Variants in DCAF4 observed in about 807,000 individuals in gnomAD.
DCAF4 encodes the protein DDB1- and CUL4-associated factor 4.
DCAF4 carries 37 observed loss-of-function variants against 60.9 expected under a neutral mutation model. The observed-to-expected ratio is 0.61, with a 90% confidence interval of 0.47 to 0.80. DCAF4 has a LOEUF of 0.80. Among genes scored for constraint, DCAF4 ranks in the 30% least tolerant of loss-of-function variants. The probability of loss-of-function intolerance (pLI) is 0.00; values close to 1 mark genes in which losing one functional copy is unlikely to be tolerated. For synonymous variants in DCAF4, 243 were observed against 254.8 expected, an observed-to-expected ratio of 0.95 and a Z score of 0.44; for missense variants, 577 against 650.0, an observed-to-expected ratio of 0.89 and a Z score of 1.22.
intron 1 of DCAF4, among the ~76,000 whole-genome samples, chr14:72,928,266 T>C (rs1872904730): frequency 7.1e-6 from 1 of 140,226 alleles, no homozygotes; most frequent in Non-Finnish European, 1.5e-5. Flanking sequence ...CGATCTCGGC[T>C]CACCGCAACC....
At chr14:72,950,574 A>G (rs1403984666) in intron 8 of DCAF4, among the ~76,000 whole-genome samples, 2 of 152,152 alleles carry the variant, frequency 1.3e-5, no homozygotes, top group Non-Finnish European at 2.9e-5. Flanking sequence ...AAGTTTGGCT[A>G]TGAGGGGAAA....
chr14:72,961,078 C>T (rs577752478), downstream of DCAF4, among the ~76,000 whole-genome samples: 7 of 151,960 alleles, frequency 4.6e-5, no homozygotes, highest in South Asian at 2.1e-4. Context: ...GTAGAGATGG[C>T]GTCTCCCTAT....
At chr14:72,938,467 G>A (rs950103871) in intron 2 of DCAF4, among the ~76,000 whole-genome samples, 1 of 152,160 alleles carries the variant, frequency 6.6e-6, no homozygotes, top group Non-Finnish European at 1.5e-5. Context: ...CCTAAGTCTC[G>A]GACAAGGATA....
intron 1 of DCAF4, among the ~76,000 whole-genome samples, chr14:72,933,253 C>T (rs1465216123): frequency 6.6e-6 from 1 of 152,202 alleles, no homozygotes; most frequent in Non-Finnish European, 1.5e-5. Flanking sequence ...GTGATGCATA[C>T]TGGGTTTTAT....
intron 1 of DCAF4, among the ~76,000 whole-genome samples, chr14:72,934,154 T>TTC (rs902364583): frequency 2.3e-5 from 3 of 129,474 alleles, no homozygotes; most frequent in Non-Finnish European, 4.9e-5. Context: ...ACGTGGCATT[T>TTC]TCTTTTTTTT....
At chr14:72,940,593 T>TG (rs1889908918) in intron 4 of DCAF4, 1 of 379,500 alleles carries the variant, frequency 2.6e-6, no homozygotes. Context: ...GATAAGTTGT[T>TG]TTTTTTTTTT....
downstream of DCAF4, among the ~76,000 whole-genome samples, chr14:72,960,987 G>C (rs1892797463): frequency 6.6e-6 from 1 of 151,384 alleles, no homozygotes; most frequent in South Asian, 2.1e-4. Context: ...CCTTGGGCTT[G>C]AGCAATCCTC....
intron 1 of DCAF4, among the ~76,000 whole-genome samples, chr14:72,935,393 T>G (rs992125573): frequency 1.3e-5 from 2 of 152,180 alleles, no homozygotes; most frequent in African/African-American, 4.8e-5. Context: ...TAACCGGGAT[T>G]ACAGGCACCA....
In DCAF4 at chr14:72,954,188, G is replaced by A. The variant is rs750217137; in HGVS notation, c.833G>A (p.Cys278Tyr). The A allele has an allele frequency of 1.1e-5, 17 of 1,614,038 alleles. No individual in the cohort carries two copies. ...GGAATAGACCGGCCTGGCATGCTCTGCAGTTTCCGGATCCCTGGTGCCTGG... is the reference window on the plus strand; with the variant it reads ...GGAATAGACCGGCCTGGCATGCTCTACAGTTTCCGGATCCCTGGTGCCTGG... ...HPGIDRPGML[C>Y]SFRIPGAWSC... Residue 278 changes from cysteine (C) to tyrosine (Y), a missense_variant, in exon 10 of 14, where the codon TGC becomes TAC. Coordinates refer to ENST00000358377, the MANE Select transcript of DCAF4 (RefSeq NM_015604.4).
At chr14:72,951,994 C>T in intron 9 of DCAF4, 117 bp downstream of exon 9, 1 of 1,096,132 alleles carries the variant, frequency 9.1e-7, no homozygotes, top group Non-Finnish European at 1.4e-6. Context: ...ATTCCCTAAG[C>T]CTGTCCCAGG....
intron 5 of DCAF4, 23 bp from the exon 6 acceptor site, chr14:72,942,971 G>T: frequency 6.2e-7 from 1 of 1,611,406 alleles, no homozygotes; most frequent in South Asian, 1.1e-5. Context: ...CAGCATCCAT[G>T]CCCCCACCCT....
intron 9 of DCAF4, among the ~76,000 whole-genome samples, chr14:72,952,985 G>T (rs1891627522): frequency 8.2e-6 from 1 of 121,326 alleles, no homozygotes; most frequent in Admixed American, 9.3e-5. Context: ...GAGCCACAAT[G>T]CCCGGCCTTT....
In DCAF4 at chr14:72,954,230, T is replaced by G. The variant is rs747354067; in HGVS notation, c.875T>G (p.Leu292Arg). ...GGTGCCTGGTCCTGTGCCTGGTCCC[T>G]GAATATCCAAGCAAATAACTGCTTC... ...IPGAWSCAWS[L>R]NIQANNCFST... Residue 292 changes from leucine (L) to arginine (R), a missense_variant, in exon 10 of 14, where the codon CTG (leucine) becomes CGG (arginine). Leu to Arg is a moderately radical substitution (Grantham distance 102). Transcript: ENST00000358377. 6 of 1,614,184 alleles carry G rather than the reference T, an allele frequency of 3.7e-6. No homozygotes were observed. The highest frequency in any genetic ancestry group is 5.1e-6 in the Non-Finnish European group (6 of 1,180,030).
At chr14:72,955,849 G>C (rs918959858) in intron 12 of DCAF4, among the ~76,000 whole-genome samples, 153 bp downstream of exon 12, 1 of 150,486 alleles carries the variant, frequency 6.6e-6, no homozygotes, top group African/African-American at 2.5e-5. Context: ...CATGGGGACT[G>C]CTTCGTTGAC....
intron 8 of DCAF4, among the ~76,000 whole-genome samples, chr14:72,951,577 C>T (rs1891417723): frequency 6.6e-6 from 1 of 152,116 alleles, no homozygotes; most frequent in African/African-American, 2.4e-5. Context: ...CGCCATTGCA[C>T]CCCAGCCTGG....
rs933238697 is a variant in DCAF4 at position 72,943,162 on chromosome 14, G to A, written c.534+66G>A. 2.9e-5 allele frequency: 42 copies of A among 1,452,972 alleles called. 1 individual carries two copies. The East Asian group carries it at 3.0e-4, about 10-fold the overall frequency. 90.0% of individuals were successfully genotyped at this position (1,452,972 alleles called of 1,614,324 possible). On this transcript the variant is annotated intron_variant, in intron 6 of 13. Coordinates refer to ENST00000358377, the MANE Select transcript of DCAF4 (RefSeq NM_015604.4). Reference sequence around the variant, plus strand: ...CCCTCTGGACACTTTGTGGCTTAGCGTTGCCAGTCATCAAACCTGGCTCTG... The same window carrying A: ...CCCTCTGGACACTTTGTGGCTTAGCATTGCCAGTCATCAAACCTGGCTCTG...
At chr14:72,944,487 A>G (rs1594768487) in intron 6 of DCAF4, among the ~76,000 whole-genome samples, 1 of 152,180 alleles carries the variant, frequency 6.6e-6, no homozygotes, top group South Asian at 2.1e-4. Context: ...TTAAAATGAG[A>G]AAAGAAAAGC....
chr14:72,959,983 G>A (rs556786094), downstream of DCAF4, among the ~76,000 whole-genome samples: 19 of 152,238 alleles, frequency 1.2e-4, no homozygotes, highest in South Asian at 1.9e-3. Flanking sequence ...ATTGGAAAGC[G>A]CTCAGAGAGA....
chr14:72,955,220 G>A (rs10130567), intron 11 of DCAF4, among the ~76,000 whole-genome samples: 1 of 152,060 alleles, frequency 6.6e-6, no homozygotes, highest in East Asian at 1.9e-4. Context: ...TGGTGGAGAT[G>A]GAATGCTATC....
Sources: gnomAD v4.1 joint callset for allele counts (sites outside exome capture counted in the v4.1 genomes callset) on GRCh38, gnomAD v4.1.1 for gene constraint, MANE v1.5 for transcripts, NCBI Gene and HGNC (gene_info 2026-07-23, HGNC 2026-07-21) for gene names.